The following HMCN1 variants were observed in gnomAD, a reference collection of about 807,000 sequenced individuals.
HMCN1 encodes hemicentin 1, also known as hemicentin-1.
Under a neutral mutation model 625.9 loss-of-function variants are expected in HMCN1, and 321 were observed. That is an observed-to-expected ratio of 0.51 (90% confidence interval 0.47 to 0.56). HMCN1 has a LOEUF of 0.56. Among genes scored for constraint, HMCN1 ranks in the 20% least tolerant of loss-of-function variants. The pLI is 0.00. For synonymous variants in HMCN1, 2,425 were observed against 2,417.6 expected, an observed-to-expected ratio of 1.00 and a Z score of -0.09; for missense variants, 6,588 against 6,887.3, an observed-to-expected ratio of 0.96 and a Z score of 1.54.
Position 186,151,590 on chromosome 1 carries a change from CCTTTTTTTT to C in HMCN1, c.14759-11_14759-3del. On this transcript the variant is annotated splice_region_variant and splice_polypyrimidine_tract_variant and intron_variant, in intron 94 of 106. Transcript: ENST00000271588. ...AAAATTTTGCTATCACCTTATTTAT[CCTTTTTTTT>C]CTTTAGGTTCAGCAATGAGAAAGAT... is the stretch of plus-strand genomic sequence containing the variant. 1 of 1,608,212 alleles carries C rather than the reference CCTTTTTTTT, an allele frequency of 6.2e-7. No individual in the cohort carries two copies. Among genetic ancestry groups the C allele is most frequent in the Non-Finnish European group, 8.5e-7 (1 of 1,175,794 alleles).
rs1351873134 is a variant in HMCN1 at position 185,822,818 on chromosome 1, G to A, written c.269-23208G>A. ...GTGTTTTTCTCAGGAAAACATCCCTGTTTTGGGCAGGAAGTATCTTATTTG... is the reference window on the plus strand; with the variant it reads ...GTGTTTTTCTCAGGAAAACATCCCTATTTTGGGCAGGAAGTATCTTATTTG... On this transcript the variant is annotated intron_variant, in intron 1 of 106. Coordinates refer to ENST00000271588, the MANE Select transcript of HMCN1 (RefSeq NM_031935.3). 3.9e-5 allele frequency among the ~76,000 whole-genome samples: 6 copies of A among 152,120 alleles called. No homozygotes were observed. In the South Asian group the frequency reaches 1.2e-3, roughly 32 times the overall value.
rs776501578 is a variant in HMCN1 at position 186,015,344 on chromosome 1, C to A, written c.4816C>A (p.Pro1606Thr). ...YIDKGQYLHI[P>T]RAQVSDSATY... is the part of the protein sequence containing the mutation. ...TGATAAAGGACAATATCTTCATATTCCTCGAGCACAGGTCTCTGATTCAGC... is the reference window on the plus strand; with the variant it reads ...TGATAAAGGACAATATCTTCATATTACTCGAGCACAGGTCTCTGATTCAGC... Residue 1606 changes from proline (P) to threonine (T), a missense_variant, in exon 31 of 107, where the codon CCT becomes ACT. Pro to Thr is a conservative substitution (Grantham distance 38, BLOSUM62 -1). Transcript: ENST00000271588. The A allele has an allele frequency of 7.1e-5, 114 of 1,613,596 alleles. No homozygotes were observed. The highest frequency in any genetic ancestry group is 8.6e-5 in the Non-Finnish European group (102 of 1,179,760).
In HMCN1 at chr1:185,734,892, G is replaced by A; in HGVS notation, c.113G>A (p.Gly38Glu). Residue 38 changes from glycine to glutamate, a missense_variant, in exon 1 of 107, where the codon GGG (glycine) becomes GAG (glutamate). Gly to Glu is a moderately conservative substitution (Grantham distance 98). Around this residue, in one of 3 missense-constraint regions of HMCN1, gnomAD observed 4,628 missense variants for 4,853.1 expected, o/e 0.95. Transcript: ENST00000271588. ...SEIRAEEIPE[G>E]ASTLAFVFDV... ...ATCAGAGCTGAGGAAATTCCCGAGGGGGCCTCCACGTTGGCTTTTGTGTTT... is the reference window on the plus strand; with the variant it reads ...ATCAGAGCTGAGGAAATTCCCGAGGAGGCCTCCACGTTGGCTTTTGTGTTT... The A allele has an allele frequency of 6.2e-7, 1 of 1,614,132 alleles. No homozygotes were observed. The highest frequency in any genetic ancestry group is 8.5e-7 in the Non-Finnish European group (1 of 1,180,008).
chr1:185,873,349 G>T (rs1663741824), intron 4 of HMCN1, among the ~76,000 whole-genome samples: 1 of 152,048 alleles, frequency 6.6e-6, no homozygotes, highest in Admixed American at 6.6e-5. Context: ...TCCTCATTTG[G>T]TCTTTATTTT....
intron 64 of HMCN1, among the ~76,000 whole-genome samples, chr1:186,092,071 C>A (rs1251910235): frequency 3.3e-5 from 5 of 151,786 alleles, no homozygotes; most frequent in African/African-American, 9.7e-5. Flanking sequence ...AAGATAAGAT[C>A]TTTTATATAT....
At chr1:185,804,720 A>G (rs1659056205) in intron 1 of HMCN1, among the ~76,000 whole-genome samples, 1 of 152,062 alleles carries the variant, frequency 6.6e-6, no homozygotes, top group Non-Finnish European at 1.5e-5. Flanking sequence ...CATTTCTTAA[A>G]TGTGTCCTTA....
chr1:186,076,034 G>A, intron 53 of HMCN1, among the ~76,000 whole-genome samples: 1 of 152,080 alleles, frequency 6.6e-6, no homozygotes, highest in East Asian at 1.9e-4. Context: ...AGCCTTCTTA[G>A]TAAGCCAAAT....
At chr1:186,178,919 A>G (rs1463081315) in intron 104 of HMCN1, among the ~76,000 whole-genome samples, 153 bp downstream of exon 104, 3 of 152,194 alleles carry the variant, frequency 2.0e-5, no homozygotes, top group Non-Finnish European at 4.4e-5. Flanking sequence ...TTGGCACCTA[A>G]AACTATTACA....
chr1:185,922,546 GA>G, intron 7 of HMCN1, 47 bp downstream of exon 7: 1 of 1,508,598 alleles, frequency 6.6e-7, no homozygotes, highest in Non-Finnish European at 9.1e-7. Context: ...ATATCCAAAT[GA>G]AAAATATTTC....
intron 47 of HMCN1, 54 bp from the exon 48 acceptor site, chr1:186,062,460 A>C (rs1050575488): frequency 4.8e-6 from 5 of 1,044,094 alleles, no homozygotes; most frequent in Non-Finnish European, 6.0e-6. Context: ...ATATCTATAA[A>C]ATAGCAGCTT....
chr1:185,890,855 CT>C (rs1163796691), intron 4 of HMCN1, among the ~76,000 whole-genome samples: 3 of 78,836 alleles, frequency 3.8e-5, no homozygotes, highest in African/African-American at 1.8e-4. Flanking sequence ...AGTTCAATTC[CT>C]GGGTATCCTT....
intron 11 of HMCN1, among the ~76,000 whole-genome samples, chr1:185,946,799 G>T (rs1489845670): frequency 6.6e-6 from 1 of 152,094 alleles, no homozygotes; most frequent in Non-Finnish European, 1.5e-5. Flanking sequence ...ACAAAATTTT[G>T]TACTAAGAGT....
chr1:185,850,516 A>G (rs901926540), intron 2 of HMCN1, among the ~76,000 whole-genome samples: 4 of 152,060 alleles, frequency 2.6e-5, no homozygotes, highest in African/African-American at 2.4e-5. Flanking sequence ...TGAAGGATCT[A>G]TAGGGAGTGC....
intron 18 of HMCN1, 130 bp from the exon 19 acceptor site, chr1:185,984,039 A>G: frequency 1.5e-6 from 1 of 681,572 alleles, no homozygotes; most frequent in East Asian, 2.7e-5. Context: ...TTCTTCACTT[A>G]AGGACATTAG....
At chr1:186,108,626 C>T in intron 71 of HMCN1, 29 bp downstream of exon 71, 1 of 1,613,594 alleles carries the variant, frequency 6.2e-7, no homozygotes, top group East Asian at 2.2e-5. Flanking sequence ...TCCACAAATT[C>T]CTTTTTGAGA....
chr1:185,964,877 C>T (rs1650290395), intron 13 of HMCN1, among the ~76,000 whole-genome samples: 1 of 151,910 alleles, frequency 6.6e-6, no homozygotes, highest in Non-Finnish European at 1.5e-5. Flanking sequence ...GAGTAAAAGT[C>T]TGTTGTATTT....
intron 2 of HMCN1, among the ~76,000 whole-genome samples, chr1:185,847,142 T>TA (rs1553249360): frequency 2.0e-5 from 3 of 152,038 alleles, no homozygotes; most frequent in East Asian, 1.9e-4. Context: ...GTTTTTTTTT[T>TA]ATCATTTGAA....
intron 64 of HMCN1, among the ~76,000 whole-genome samples, chr1:186,092,138 TCTC>T: frequency 6.6e-6 from 1 of 152,006 alleles, no homozygotes; most frequent in Non-Finnish European, 1.5e-5. Context: ...TATCATTCCT[TCTC>T]CTACATTAAC....
intron 93 of HMCN1, among the ~76,000 whole-genome samples, chr1:186,150,396 G>T (rs937498081): frequency 8.5e-5 from 13 of 152,162 alleles, no homozygotes; most frequent in Admixed American, 3.9e-4. Context: ...ACAATAGAAA[G>T]AAGGCATAAA....
Sources: allele counts gnomAD v4.1 joint callset (sites outside exome capture counted in the v4.1 genomes callset), GRCh38; gene constraint gnomAD v4.1.1; regional missense constraint gnomAD v4.1.1; transcripts MANE v1.5; gene names NCBI Gene and HGNC (gene_info 2026-07-23, HGNC 2026-07-21).